The following MPND variants were observed in gnomAD, a reference collection of about 807,000 sequenced individuals.
The protein encoded by MPND is MPN domain-containing protein.
Under a neutral mutation model 59.2 loss-of-function variants are expected in MPND, and 56 were observed. The ratio of observed to expected loss-of-function variants is 0.95; its 90% CI spans 0.76 to 1.18. The LOEUF (loss-of-function observed/expected upper bound fraction) is 1.18. MPND is among the 50% of genes most tolerant of loss of function. The pLI, the probability that MPND is intolerant of heterozygous loss-of-function variation, is 0.00. For missense variants in MPND, 671 were observed against 676.0 expected, an observed-to-expected ratio of 0.99 and a Z score of 0.08; for synonymous variants, 323 against 291.9, an observed-to-expected ratio of 1.11 and a Z score of -1.09.
At chr19:4,353,382 C>G (rs907282311) in intron 4 of MPND, among the ~76,000 whole-genome samples, 2 of 152,088 alleles carry the variant, frequency 1.3e-5, no homozygotes, top group Admixed American at 6.5e-5. Flanking sequence ...ATTCTCCTGC[C>G]TCAGCCTCCC....
At chr19:4,347,228 T>G (rs1234605900) in intron 3 of MPND, 1 of 150,842 alleles carries the variant, frequency 6.6e-6, no homozygotes, top group African/African-American at 2.5e-5. Context: ...TGTCCTTTCT[T>G]CTTTTCGTAG....
At chr19:4,348,254 C>CTTTTTTT (rs4003316) in intron 3 of MPND, 14 of 84,624 alleles carry the variant, frequency 1.7e-4, no homozygotes, top group Non-Finnish European at 2.4e-4. Flanking sequence ...TTGCAAATTT[C>CTTTTTTT]TTTTTTTTTT....
At chr19:4,351,906 C>T (rs1457854239) in intron 3 of MPND, among the ~76,000 whole-genome samples, 1 of 146,694 alleles carries the variant, frequency 6.8e-6, no homozygotes, top group African/African-American at 2.5e-5. Context: ...GGCACGGTGG[C>T]TCACACCTGT....
intron 2 of MPND, among the ~76,000 whole-genome samples, chr19:4,344,836 C>T (rs1290826727): frequency 3.4e-5 from 5 of 146,644 alleles, no homozygotes; most frequent in African/African-American, 1.3e-4. Flanking sequence ...CCTCCCGGTT[C>T]AAGCGATTTT....
chr19:4,359,036 CTT>C, intron 11 of MPND, 125 bp from the exon 12 acceptor site: 1 of 647,052 alleles, frequency 1.5e-6, no homozygotes. Context: ...CTCGTGATCT[CTT>C]TGTGGTTGGT....
At chr19:4,354,838 TG>T in intron 6 of MPND, 110 bp from the exon 7 acceptor site, 3 of 1,151,308 alleles carry the variant, frequency 2.6e-6, no homozygotes, top group Non-Finnish European at 3.7e-6. Context: ...CCCTCCAGCC[TG>T]GGCGACAGAG....
Position 4,345,976 on chromosome 19 carries a change from G to A in MPND, c.526G>A (p.Asp176Asn). Reference protein sequence around the residue: ...HQLHTPATAADESPASEGEEE... With the variant: ...HQLHTPATAANESPASEGEEE... ...GCTGCACACGCCTGCCACGGCTGCT[G>A]ATGAGGTACGTGCTGCAGCCTCCTC... Residue 176 changes from aspartate to asparagine, a missense_variant, in exon 3 of 13, where the codon GAT becomes AAT. By Grantham distance (23) the Asp-to-Asn change is conservative. Transcript: ENST00000599840. 6.2e-7 allele frequency: 1 copy of A among 1,611,180 alleles called. No individual in the cohort carries two copies. The highest frequency in any genetic ancestry group is 8.5e-7 in the Non-Finnish European group (1 of 1,179,014).
intron 11 of MPND, 66 bp downstream of exon 11, chr19:4,358,238 T>C: frequency 7.1e-7 from 1 of 1,400,182 alleles, no homozygotes; most frequent in Non-Finnish European, 9.8e-7. Flanking sequence ...GATGCGTTGG[T>C]CTGCTTCCCA....
chr19:4,352,693 TAAATA>T (rs950308691), intron 3 of MPND, among the ~76,000 whole-genome samples, 199 bp from the exon 4 acceptor site: 3 of 146,208 alleles, frequency 2.1e-5, no homozygotes, highest in African/African-American at 7.8e-5. Context: ...CAAAAATAAA[TAAATA>T]AAAAATAAAT....
At chr19:4,358,812 A>G (rs533466951) in intron 11 of MPND, among the ~76,000 whole-genome samples, 1 of 152,074 alleles carries the variant, frequency 6.6e-6, no homozygotes, top group African/African-American at 2.4e-5. Flanking sequence ...CAAAACCTAA[A>G]CTAGTTCGTC....
At chr19:4,343,622 G>A (rs1972115522) in intron 1 of MPND, 22 bp downstream of exon 1, 9 of 1,211,428 alleles carry the variant, frequency 7.4e-6, no homozygotes, top group Non-Finnish European at 8.2e-6. Flanking sequence ...CCAGCGGGGC[G>A]GAGGCGCGGG....
At chr19:4,348,913 C>T (rs779032168) in intron 3 of MPND, 5 of 198,154 alleles carry the variant, frequency 2.5e-5, no homozygotes, top group Non-Finnish European at 4.4e-5. Context: ...CCTCAGCCTC[C>T]CAAAGTGCTG....
Position 4,352,885 on chromosome 19 carries a change from TA to T in MPND, c.532-10del, listed in dbSNP as rs1487455810. On this transcript the variant is annotated splice_polypyrimidine_tract_variant and intron_variant, in intron 3 of 12. Coordinates refer to ENST00000599840, the MANE Select transcript of MPND (RefSeq NM_001300862.2). ...GGGTCCCACCGCTGTCCCTGACCCC[TA>T]ACCCCTGCAGAGCCCAGCCAGTGAA... 10 of 1,360,762 alleles carry T rather than the reference TA, an allele frequency of 7.3e-6. No individual in the cohort carries two copies. The highest frequency in any genetic ancestry group is 9.5e-6 in the Non-Finnish European group (10 of 1,047,858). The allele number at this position is 1,360,762 out of a possible 1,614,324, so 84.3% of individuals were successfully genotyped here.
Position 4,350,875 on chromosome 19 carries a change from G to A in MPND, c.532-2022G>A, listed in dbSNP as rs77610894. Among the ~76,000 whole-genome samples the A allele has an allele frequency of 9.2e-3, 1,392 of 152,088 alleles. 26 individuals carry two copies. The highest frequency in any genetic ancestry group is 0.032 in the African/African-American group (1,345 of 41,488). On this transcript the variant is annotated intron_variant, in intron 3 of 12. Transcript: ENST00000599840. The stretch of plus-strand genomic sequence containing the variant: ...TGAGGCCACCTGGGAGGGGTGTGGA[G>A]GGAGGAGGCCTGAAAACCCAGCCTG...
intron 6 of MPND, chr19:4,354,633 G>A: frequency 3.3e-6 from 2 of 600,536 alleles, no homozygotes; most frequent in Admixed American, 6.0e-5. Context: ...TTGGGAAGCT[G>A]AGGCAGCGGG....
In MPND at chr19:4,345,364, C is replaced by T. The variant is rs146457914; in HGVS notation, c.295-381C>T. ...ACCCAGCCCTGTATTATTACTATTA[C>T]TGTTGTCATTATTGTTTGATTTGTG... On this transcript the variant is annotated intron_variant, in intron 2 of 12. Coordinates refer to ENST00000599840, the MANE Select transcript of MPND (RefSeq NM_001300862.2). 4.9e-3 allele frequency among the ~76,000 whole-genome samples: 751 copies of T among 152,228 alleles called. 11 individuals carry two copies. The highest frequency in any genetic ancestry group is 0.017 in the African/African-American group (708 of 41,540).
At chr19:4,357,741 A>G in intron 10 of MPND, 156 bp downstream of exon 10, 1 of 750,388 alleles carries the variant, frequency 1.3e-6, no homozygotes, top group Non-Finnish European at 2.1e-6. Context: ...CCCTGCCCAT[A>G]TTTTGGTGAG....
intron 3 of MPND, among the ~76,000 whole-genome samples, chr19:4,346,808 G>A (rs1039915861): frequency 4.0e-5 from 6 of 151,120 alleles, no homozygotes; most frequent in Admixed American, 6.6e-5. Context: ...AAGCAGGCAG[G>A]TTCACGAGGT....
chr19:4,354,091 G>T lies in MPND; in HGVS notation c.711G>T (p.Pro237=), dbSNP rs1357787009. Residue 237 remains proline (P), a synonymous_variant, in exon 5 of 13, where the codon CCG becomes CCT. Transcript: ENST00000599840. ...GGGTGGACAGCAAGATCCGGGTTCC[G>T]GTCCGCTACTGCATGCTGGGCAGCC... ...GKRVDSKIRV[P]VRYCMLGSRD... is the part of the protein sequence containing the mutation. The T allele has an allele frequency of 1.9e-6, 3 of 1,613,318 alleles. No homozygotes were observed. The highest frequency in any genetic ancestry group is 2.5e-6 in the Non-Finnish European group (3 of 1,179,380).
Sources: gnomAD v4.1 joint callset for allele counts (sites outside exome capture counted in the v4.1 genomes callset) on GRCh38, gnomAD v4.1.1 for gene constraint, MANE v1.5 for transcripts, NCBI Gene and HGNC (gene_info 2026-07-23, HGNC 2026-07-21) for gene names.